GRID2: variants seen among roughly 807,000 people sequenced by gnomAD.
GRID2 encodes the protein glutamate receptor ionotropic, delta-2.
Under a neutral mutation model 114.8 loss-of-function variants are expected in GRID2, and 33 were observed. The ratio of observed to expected loss-of-function variants is 0.29; its 90% CI spans 0.22 to 0.38. The LOEUF is 0.38. Among genes scored for constraint, GRID2 ranks in the 10% least tolerant of loss-of-function variants. The pLI is 1.00. For synonymous variants in GRID2, 505 were observed against 449.9 expected (o/e 1.12, Z -1.55); for missense variants, 1,184 against 1,257.7 (o/e 0.94, Z 0.89).
chr4:93,394,920 G>A (rs1044098342), intron 8 of GRID2, among the ~76,000 whole-genome samples: 3 of 151,850 alleles, frequency 2.0e-5, no homozygotes, highest in African/African-American at 7.2e-5. Context: ...AAAACTGGTA[G>A]CCCTCAGATT....
At chr4:93,337,176 G>A (rs1299928624) in intron 8 of GRID2, among the ~76,000 whole-genome samples, 1 of 152,112 alleles carries the variant, frequency 6.6e-6, no homozygotes, top group Non-Finnish European at 1.5e-5. Flanking sequence ...CACGAAGAAA[G>A]TAAATAATTT....
chr4:93,071,812 T>C (rs1356751576), intron 2 of GRID2, among the ~76,000 whole-genome samples: 1 of 152,166 alleles, frequency 6.6e-6, no homozygotes, highest in Admixed American at 6.6e-5. Context: ...TTTTTCTTTA[T>C]GTAGTGTGTG....
At chr4:93,340,496 AT>A (rs1759539491) in intron 8 of GRID2, among the ~76,000 whole-genome samples, 1 of 152,068 alleles carries the variant, frequency 6.6e-6, no homozygotes, top group Admixed American at 6.6e-5. Flanking sequence ...TGAAGTGCTA[AT>A]TAGAAGGGGA....
intron 2 of GRID2, among the ~76,000 whole-genome samples, chr4:93,002,880 CT>C (rs1257970821): frequency 6.6e-6 from 1 of 151,698 alleles, no homozygotes; most frequent in Non-Finnish European, 1.5e-5. Flanking sequence ...ATTTCTTCAT[CT>C]TTTCTAACTT....
At chr4:93,364,253 A>G (rs1579827880) in intron 8 of GRID2, among the ~76,000 whole-genome samples, 1 of 152,118 alleles carries the variant, frequency 6.6e-6, no homozygotes, top group Admixed American at 6.6e-5. Context: ...GCTTAGACAC[A>G]TGTGGAAAAA....
intron 2 of GRID2, among the ~76,000 whole-genome samples, chr4:92,974,338 C>T (rs955769707): frequency 2.0e-5 from 3 of 152,056 alleles, no homozygotes; most frequent in African/African-American, 7.2e-5. Context: ...CATTACTAGG[C>T]ATATACCCAA....
chr4:93,498,840 T>C (rs565922763), intron 12 of GRID2, among the ~76,000 whole-genome samples: 3 of 152,066 alleles, frequency 2.0e-5, no homozygotes, highest in East Asian at 1.9e-4. Context: ...AGAGTGAATA[T>C]CTCTGCTTTG....
chr4:92,712,778 T>G lies in GRID2; in HGVS notation c.244+122492T>G, dbSNP rs570102090. On this transcript the variant is annotated intron_variant, in intron 2 of 15. Transcript: ENST00000282020. Reference sequence around the variant, plus strand: ...ATCATTAATATTTCTGTGTTACACATTTCTTTAGGTAAATGTATACAAATA... The same window carrying G: ...ATCATTAATATTTCTGTGTTACACAGTTCTTTAGGTAAATGTATACAAATA... Among the ~76,000 whole-genome samples the G allele has an allele frequency of 1.8e-3, 275 of 152,234 alleles. 2 individuals are homozygous for G. Among genetic ancestry groups the G allele is most frequent in the African/African-American group, 6.4e-3 (264 of 41,552 alleles).
chr4:93,316,173 A>G (rs1237020033), intron 8 of GRID2, among the ~76,000 whole-genome samples: 2 of 151,894 alleles, frequency 1.3e-5, no homozygotes, highest in African/African-American at 4.8e-5. Context: ...GGGGAGGTGG[A>G]ACAGAAAGAA....
intron 1 of GRID2, among the ~76,000 whole-genome samples, chr4:92,566,875 T>G (rs1727363724): frequency 6.6e-6 from 1 of 151,974 alleles, no homozygotes; most frequent in South Asian, 2.1e-4. Context: ...ACTGCAGTGG[T>G]TAGGTAGGAA....
intron 2 of GRID2, among the ~76,000 whole-genome samples, chr4:92,619,798 C>G (rs1406760271): frequency 6.6e-6 from 1 of 150,682 alleles, no homozygotes; most frequent in Non-Finnish European, 1.5e-5. Context: ...TTTTAGAATC[C>G]TTAAATAGTT....
intron 14 of GRID2, among the ~76,000 whole-genome samples, chr4:93,705,424 A>G (rs1457380945): frequency 6.6e-6 from 1 of 151,048 alleles, no homozygotes; most frequent in Non-Finnish European, 1.5e-5. Context: ...TCCGCCTCCC[A>G]GGTTCAAGCA....
intron 2 of GRID2, among the ~76,000 whole-genome samples, chr4:93,001,862 T>C (rs1721021939): frequency 6.6e-6 from 1 of 151,684 alleles, no homozygotes; most frequent in Admixed American, 6.6e-5. Flanking sequence ...GGCATGTCTG[T>C]CTCATGAGTT....
intron 13 of GRID2, among the ~76,000 whole-genome samples, chr4:93,519,381 A>G (rs1258434760): frequency 6.6e-6 from 1 of 152,202 alleles, no homozygotes; most frequent in African/African-American, 2.4e-5. Flanking sequence ...ACGCAAATAC[A>G]TCTTAAAAGA....
At chr4:92,925,920 G>A (rs1749773356) in intron 2 of GRID2, among the ~76,000 whole-genome samples, 1 of 151,888 alleles carries the variant, frequency 6.6e-6, no homozygotes, top group Non-Finnish European at 1.5e-5. Context: ...AATATATAAT[G>A]TAATTAAAAA....
chr4:92,739,598 G>A (rs1402674411), intron 2 of GRID2, among the ~76,000 whole-genome samples: 2 of 152,092 alleles, frequency 1.3e-5, no homozygotes, highest in Admixed American at 6.6e-5. Context: ...TTTGGTGGAA[G>A]AGCAGTTATA....
intron 2 of GRID2, among the ~76,000 whole-genome samples, chr4:92,851,864 C>G (rs944425399): frequency 5.9e-5 from 9 of 151,906 alleles, no homozygotes; most frequent in Non-Finnish European, 1.3e-4. Flanking sequence ...ATTCACAAAA[C>G]AGGAATGAAT....
intron 2 of GRID2, among the ~76,000 whole-genome samples, chr4:92,868,448 C>G (rs915245384): frequency 4.6e-5 from 7 of 152,152 alleles, no homozygotes; most frequent in Non-Finnish European, 7.4e-5. Context: ...ACGAATTTAT[C>G]TATTACAAAA....
intron 4 of GRID2, among the ~76,000 whole-genome samples, chr4:93,191,074 T>G (rs770683092): frequency 1.3e-5 from 2 of 152,100 alleles, no homozygotes; most frequent in Non-Finnish European, 2.9e-5. Flanking sequence ...CAGATAAAGT[T>G]GATTATGCAT....
Sources: gnomAD v4.1 joint callset for allele counts (sites outside exome capture counted in the v4.1 genomes callset) on GRCh38, gnomAD v4.1.1 for gene constraint, MANE v1.5 for transcripts, NCBI Gene and HGNC (gene_info 2026-07-23, HGNC 2026-07-21) for gene names.